Variants in KNTC1 observed in about 807,000 individuals in gnomAD.
KNTC1 encodes the protein kinetochore associated 1.
In KNTC1, 253 loss-of-function variants were observed where a neutral mutation model predicts 314.4. The observed-to-expected ratio is 0.80, with a 90% CI of 0.73 to 0.89. KNTC1 has a LOEUF of 0.89. KNTC1 is among the 40% of genes least tolerant of loss of function. The pLI is 0.00. For synonymous variants in KNTC1, 901 were observed against 901.4 expected (o/e 1.00, Z 0.01); for missense variants, 2,475 against 2,572.9 (o/e 0.96, Z 0.82).
intron 26 of KNTC1, among the ~76,000 whole-genome samples, chr12:122,574,039 G>A (rs888041439): frequency 1.3e-5 from 2 of 152,128 alleles, no homozygotes; most frequent in Admixed American, 6.5e-5. Flanking sequence ...AATCTTATTT[G>A]TAGATTCTTC....
At chr12:122,598,432 T>TTG (rs1361054562) in intron 44 of KNTC1, among the ~76,000 whole-genome samples, 1 of 148,726 alleles carries the variant, frequency 6.7e-6, no homozygotes, top group Non-Finnish European at 1.5e-5. Context: ...TTTTTTTTTT[T>TTG]TTTTTTGAGA....
chr12:122,542,764 CA>C (rs574947431), intron 6 of KNTC1, among the ~76,000 whole-genome samples: 7,784 of 143,086 alleles, frequency 0.054, 630 homozygotes, highest in African/African-American at 0.18. Context: ...AACTCTGTCT[CA>C]AAAAAAAAAA....
intron 51 of KNTC1, 106 bp from the exon 52 acceptor site, chr12:122,609,275 CATA>C (rs1872857901): frequency 5.6e-6 from 4 of 713,046 alleles, no homozygotes; most frequent in Middle Eastern, 3.1e-4. Context: ...TCAATGTAAA[CATA>C]ATATCGTATA....
At chr12:122,571,757 C>A (rs1359405776) in intron 24 of KNTC1, among the ~76,000 whole-genome samples, 1 of 151,762 alleles carries the variant, frequency 6.6e-6, no homozygotes, top group Admixed American at 6.6e-5. Flanking sequence ...GCAACCACCC[C>A]CTCCCAGGTT....
intron 29 of KNTC1, 45 bp downstream of exon 29, chr12:122,575,944 G>C (rs2137942287): frequency 6.5e-7 from 1 of 1,545,848 alleles, no homozygotes; most frequent in Middle Eastern, 1.7e-4. Context: ...TCATTTCTGG[G>C]GCAATATGGA....
intron 29 of KNTC1, 23 bp downstream of exon 29, chr12:122,575,922 CTT>C (rs113639728): frequency 2.5e-6 from 4 of 1,569,160 alleles, no homozygotes; most frequent in South Asian, 2.4e-5. Flanking sequence ...TTCGAAGAGT[CTT>C]TTTTCTCTTT....
At chr12:122,554,150 C>G (rs1003886316) in intron 16 of KNTC1, among the ~76,000 whole-genome samples, 4 of 146,254 alleles carry the variant, frequency 2.7e-5, no homozygotes, top group Non-Finnish European at 4.5e-5. Context: ...AGGCTGGTCT[C>G]GAACTCGTGA....
chr12:122,600,479 A>G (rs1365086113), intron 44 of KNTC1, among the ~76,000 whole-genome samples: 1 of 152,180 alleles, frequency 6.6e-6, no homozygotes, highest in Non-Finnish European at 1.5e-5. Flanking sequence ...TAGAGCTAAA[A>G]CAGAATCCTT....
Position 122,594,338 on chromosome 12 carries a change from T to A in KNTC1, c.4308T>A (p.Leu1436=), listed in dbSNP as rs1290405916. ...FLTKKDLIKA[L]VENIDMDTSL... ...CCAAGAAAGACCTCATTAAAGCTCT[T>A]GTGGAGAATATAGATATGGACACAA... The change falls in exon 43 of 64, where the codon CTT becomes CTA. Residue 1436 remains leucine, a synonymous_variant. Transcript: ENST00000333479. 6.2e-7 allele frequency: 1 copy of A among 1,610,348 alleles called. No individual in the cohort carries two copies. The highest frequency in any genetic ancestry group is 8.5e-7 in the Non-Finnish European group (1 of 1,176,902).
intron 18 of KNTC1, among the ~76,000 whole-genome samples, chr12:122,558,571 T>G (rs1281077749): frequency 6.6e-6 from 1 of 150,710 alleles, no homozygotes; most frequent in Non-Finnish European, 1.5e-5. Context: ...GAAAAAATAT[T>G]AAATTAAAAG....
chr12:122,549,647 T>G, intron 12 of KNTC1, 119 bp from the exon 13 acceptor site: 1 of 632,936 alleles, frequency 1.6e-6, no homozygotes, highest in Non-Finnish European at 2.9e-6. Flanking sequence ...ATTATAGGCA[T>G]GAGCCACCAC....
Position 122,605,240 on chromosome 12 carries a change from C to T in KNTC1, c.5387-66C>T, listed in dbSNP as rs1872461129. The T allele has an allele frequency of 4.4e-6, 5 of 1,128,956 alleles. No individual in the cohort carries two copies. The South Asian group carries it at 5.8e-5, about 13-fold the overall frequency. The allele number at this position is 1,128,956 out of a possible 1,614,324, so 69.9% of individuals were successfully genotyped here. A position where few individuals can be genotyped will look rare whatever the true frequency, so the allele number is the denominator to read the frequency against. ...ATGTATGTGCATATATACACATACACATATAAGTATTCAATATAAATATTT... is the reference window on the plus strand; with the variant it reads ...ATGTATGTGCATATATACACATACATATATAAGTATTCAATATAAATATTT... On this transcript the variant is annotated intron_variant, in intron 50 of 63. Coordinates refer to ENST00000333479, the MANE Select transcript of KNTC1 (RefSeq NM_014708.6).
At chr12:122,534,585 A>G in intron 2 of KNTC1, 79 bp from the exon 3 acceptor site, 1 of 1,345,806 alleles carries the variant, frequency 7.4e-7, no homozygotes, top group Non-Finnish European at 1.0e-6. Context: ...ATATTTGGGA[A>G]TTTGATGATA....
At chr12:122,600,732 C>T (rs914102295) in intron 44 of KNTC1, among the ~76,000 whole-genome samples, 3 of 151,508 alleles carry the variant, frequency 2.0e-5, no homozygotes, top group African/African-American at 7.3e-5. Context: ...GTGGCGTGAT[C>T]TCAGCTCACT....
intron 20 of KNTC1, among the ~76,000 whole-genome samples, chr12:122,567,725 C>T (rs1434302796): frequency 6.6e-6 from 1 of 152,088 alleles, no homozygotes; most frequent in East Asian, 1.9e-4. Context: ...GTAATCCCAG[C>T]TGCTTGGGAG....
Position 122,624,668 on chromosome 12 carries a change from G to A in KNTC1, c.6586G>A (p.Ala2196Thr), listed in dbSNP as rs1384714767. 6.2e-7 allele frequency: 1 copy of A among 1,612,646 alleles called. No individual in the cohort carries two copies. Among genetic ancestry groups the A allele is most frequent in the Admixed American group, 1.7e-5 (1 of 59,990 alleles). ...CGGGAAACCTGTGCCTCCAGACACT[G>A]CTCCCTGTGAAATTCTGAAGGTAAA... ...HCGKPVPPDT[A>T]PCEILKMFLS... The change falls in exon 63 of 64, where the codon GCT becomes ACT. Residue 2196 changes from alanine (A) to threonine (T), a missense_variant. Coordinates refer to ENST00000333479, the MANE Select transcript of KNTC1 (RefSeq NM_014708.6).
intron 37 of KNTC1, among the ~76,000 whole-genome samples, chr12:122,586,427 C>A (rs748610302): frequency 2.0e-5 from 3 of 152,114 alleles, no homozygotes; most frequent in African/African-American, 7.2e-5. Context: ...AGTTTGTGGA[C>A]GTTTATCAGG....
chr12:122,544,255 C>G lies in KNTC1; in HGVS notation c.655C>G (p.Pro219Ala). The change falls in exon 8 of 64, where the codon CCT (proline) becomes GCT (alanine). Residue 219 changes from proline (P) to alanine (A), a missense_variant. Coordinates refer to ENST00000333479, the MANE Select transcript of KNTC1 (RefSeq NM_014708.6). ...GGCTGGAGATTTAGCAAGTGAAGTTCCTGTGATAATTGGGGTAATTGTTTT... is the reference window on the plus strand; with the variant it reads ...GGCTGGAGATTTAGCAAGTGAAGTTGCTGTGATAATTGGGGTAATTGTTTT... ...LVAGDLASEV[P>A]VIIGGTGNCA... 1 of 1,550,038 alleles carries G rather than the reference C, an allele frequency of 6.5e-7. No individual in the cohort carries two copies.
rs1869230633 is a variant in KNTC1, at chr12:122,585,992, G to C, written c.3673+218G>C. Among the ~76,000 whole-genome samples, 3 of 152,202 alleles carry C rather than the reference G, an allele frequency of 2.0e-5. 1 individual carries two copies. The South Asian group carries it at 6.2e-4, about 32-fold the overall frequency. Reference sequence around the variant, plus strand: ...ACTAAGCTGGTGCTGTTTGAAGTCAGGGCAGTGGTTACCCTTGAGGGTGGG... The same window carrying C: ...ACTAAGCTGGTGCTGTTTGAAGTCACGGCAGTGGTTACCCTTGAGGGTGGG... On this transcript the variant is annotated intron_variant, in intron 37 of 63. Coordinates refer to ENST00000333479, the MANE Select transcript of KNTC1 (RefSeq NM_014708.6).
Sources: allele counts gnomAD v4.1 joint callset (sites outside exome capture counted in the v4.1 genomes callset), GRCh38; gene constraint gnomAD v4.1.1; transcripts MANE v1.5; gene names NCBI Gene and HGNC (gene_info 2026-07-23, HGNC 2026-07-21).